Variants in SYT1 observed in about 807,000 individuals in gnomAD.
The protein encoded by SYT1 is synaptotagmin-1.
In SYT1, 8 loss-of-function variants were observed where a neutral mutation model predicts 44.8. That is an observed-to-expected ratio of 0.18 (90% CI 0.10 to 0.32). The LOEUF (loss-of-function observed/expected upper bound fraction) is 0.32. Among genes scored for constraint, SYT1 ranks in the 10% least tolerant of loss-of-function variants. The pLI is 1.00. For synonymous variants in SYT1, 154 were observed against 188.8 expected (o/e 0.82, Z 1.51); for missense variants, 286 against 509.3 (o/e 0.56, Z 4.22).
intron 3 of SYT1, among the ~76,000 whole-genome samples, chr12:79,144,980 A>G (rs999714959): frequency 2.0e-5 from 3 of 152,176 alleles, no homozygotes; most frequent in Non-Finnish European, 2.9e-5. Flanking sequence ...TTTCCTACAA[A>G]CATCATAGAA....
At chr12:79,189,325 G>T (rs545571570) in intron 3 of SYT1, among the ~76,000 whole-genome samples, 30 of 152,220 alleles carry the variant, frequency 2.0e-4, no homozygotes, top group African/African-American at 5.5e-4. Flanking sequence ...GGAGATCATT[G>T]CAGTATCTAC....
intron 3 of SYT1, among the ~76,000 whole-genome samples, chr12:79,211,390 T>G (rs1874435828): frequency 6.6e-6 from 1 of 152,218 alleles, no homozygotes; most frequent in African/African-American, 2.4e-5. Context: ...TTATATCCAT[T>G]TAAGATTAAT....
rs1874245401 is a variant in SYT1 at position 79,208,317 on chromosome 12, G to A, written c.-17-9186G>A. 1.3e-5 allele frequency among the ~76,000 whole-genome samples: 2 copies of A among 152,154 alleles called. 1 individual carries two copies. The highest frequency in any genetic ancestry group is 4.1e-4 in the South Asian group (2 of 4,832). On this transcript the variant is annotated intron_variant, in intron 3 of 10. Transcript: ENST00000261205. ...GAAACTCGTGGGCTGCTTTAATGGT[G>A]TGAATTGATGTCTTATTCTCCTATT...
chr12:79,364,056 A>T (rs1883435618), intron 9 of SYT1, among the ~76,000 whole-genome samples: 4 of 152,302 alleles, frequency 2.6e-5, no homozygotes, highest in Non-Finnish European at 5.9e-5. Flanking sequence ...CTTCCAAATG[A>T]TCTGACTTAA....
chr12:79,138,943 T>C (rs1301294765), intron 3 of SYT1, among the ~76,000 whole-genome samples: 1 of 152,186 alleles, frequency 6.6e-6, no homozygotes, highest in Non-Finnish European at 1.5e-5. Context: ...TTTTTAAAAA[T>C]CAGAATTTAT....
chr12:78,939,664 A>G (rs1168360235), intron 1 of SYT1, among the ~76,000 whole-genome samples: 4 of 152,120 alleles, frequency 2.6e-5, no homozygotes, highest in African/African-American at 7.2e-5. Flanking sequence ...AGAAACTGGG[A>G]CTCTAGATTC....
intron 9 of SYT1, among the ~76,000 whole-genome samples, chr12:79,387,113 A>G (rs781624664): frequency 2.7e-4 from 41 of 152,106 alleles, no homozygotes; most frequent in Non-Finnish European, 2.5e-4. Flanking sequence ...ATCCTAATTT[A>G]TCTCTGTTTA....
intron 8 of SYT1, among the ~76,000 whole-genome samples, chr12:79,310,428 T>C (rs1286954872): frequency 6.6e-6 from 1 of 152,152 alleles, no homozygotes; most frequent in Non-Finnish European, 1.5e-5. Context: ...AGCCTTGTAG[T>C]ATAGTTTGAA....
chr12:79,151,977 G>C (rs1289488597), intron 3 of SYT1, among the ~76,000 whole-genome samples: 1 of 152,122 alleles, frequency 6.6e-6, no homozygotes, highest in East Asian at 1.9e-4. Flanking sequence ...GAAAAGAACT[G>C]TGTGTATTCA....
intron 4 of SYT1, among the ~76,000 whole-genome samples, chr12:79,271,039 A>G (rs756208364): frequency 1.3e-4 from 20 of 152,220 alleles, no homozygotes; most frequent in African/African-American, 3.4e-4. Flanking sequence ...GTGAGATTCA[A>G]TGAATGTCTG....
At chr12:79,193,257 ATAAT>A (rs1404959814) in intron 3 of SYT1, among the ~76,000 whole-genome samples, 1 of 152,224 alleles carries the variant, frequency 6.6e-6, no homozygotes, top group East Asian at 1.9e-4. Flanking sequence ...AGATGTATAA[ATAAT>A]AAATATAATG....
At chr12:79,206,232 T>G (rs901788166) in intron 3 of SYT1, among the ~76,000 whole-genome samples, 1 of 152,256 alleles carries the variant, frequency 6.6e-6, no homozygotes, top group African/African-American at 2.4e-5. Flanking sequence ...ATGCTCTTTT[T>G]TTCAGATACC....
intron 2 of SYT1, among the ~76,000 whole-genome samples, chr12:79,043,188 T>C (rs1325043275): frequency 6.7e-6 from 1 of 150,370 alleles, no homozygotes; most frequent in Non-Finnish European, 1.5e-5. Context: ...CCTTGTTGAC[T>C]TTCTGTCTTG....
At chr12:79,219,051 T>A (rs982912453) in intron 4 of SYT1, among the ~76,000 whole-genome samples, 3 of 152,188 alleles carry the variant, frequency 2.0e-5, no homozygotes, top group African/African-American at 7.2e-5. Context: ...TAATAGCCAT[T>A]CTAACAGGTT....
intron 2 of SYT1, among the ~76,000 whole-genome samples, chr12:79,044,887 G>T (rs1018048840): frequency 2.0e-5 from 3 of 152,050 alleles, no homozygotes; most frequent in African/African-American, 7.2e-5. Context: ...GTACGCTGCC[G>T]TGTGAGGTGT....
At chr12:79,162,376 C>T (rs1213870240) in intron 3 of SYT1, among the ~76,000 whole-genome samples, 1 of 152,136 alleles carries the variant, frequency 6.6e-6, no homozygotes, top group East Asian at 1.9e-4. Context: ...CAAAAGATGA[C>T]ACCACACTGC....
chr12:79,424,537 G>C (rs1869318263), intron 9 of SYT1, among the ~76,000 whole-genome samples: 2 of 152,102 alleles, frequency 1.3e-5, no homozygotes, highest in Admixed American at 1.3e-4. Flanking sequence ...GCATGGCCAT[G>C]GCTGTATTGA....
chr12:78,988,864 T>C (rs1869833790), intron 2 of SYT1, among the ~76,000 whole-genome samples: 1 of 152,154 alleles, frequency 6.6e-6, no homozygotes, highest in Non-Finnish European at 1.5e-5. Flanking sequence ...TATTTAGATA[T>C]CAAGAGTGCA....
At chr12:79,053,306 A>G (rs1234711737) in intron 3 of SYT1, among the ~76,000 whole-genome samples, 1 of 152,232 alleles carries the variant, frequency 6.6e-6, no homozygotes, top group South Asian at 2.1e-4. Flanking sequence ...GAATTGAACA[A>G]TGAGAACACA....
Sources: gnomAD v4.1 joint callset for allele counts (sites outside exome capture counted in the v4.1 genomes callset) on GRCh38, gnomAD v4.1.1 for gene constraint, MANE v1.5 for transcripts, NCBI Gene and HGNC (gene_info 2026-07-23, HGNC 2026-07-21) for gene names.